The following FHIT variants were observed in gnomAD, a reference collection of about 807,000 sequenced individuals.
FHIT encodes the protein bis(5'-adenosyl)-triphosphatase.
FHIT carries 19 observed loss-of-function variants against 17.9 expected under a neutral mutation model. The observed-to-expected ratio is 1.06, with a 90% CI of 0.74 to 1.56. FHIT has a LOEUF of 1.56. FHIT is among the 40% of genes most tolerant of loss of function. The pLI, the probability that FHIT is intolerant of heterozygous loss-of-function variation, is 0.00. For synonymous variants in FHIT, 81 were observed against 69.7 expected (o/e 1.16, Z -0.81); for missense variants, 248 against 189.2 (o/e 1.31, Z -1.82).
chr3:59,994,541 G>A (rs1699424976), intron 7 of FHIT, among the ~76,000 whole-genome samples: 1 of 152,096 alleles, frequency 6.6e-6, no homozygotes, highest in African/African-American at 2.4e-5. Flanking sequence ...CAACACTTCT[G>A]AAAGAACAAG....
At chr3:61,026,707 C>A (rs751188580) in intron 3 of FHIT, among the ~76,000 whole-genome samples, 46 of 151,942 alleles carry the variant, frequency 3.0e-4, no homozygotes, top group Non-Finnish European at 6.2e-4. Flanking sequence ...TTATGTGTGG[C>A]CCAAGACAAT....
At chr3:60,333,343 G>T (rs764587810) in intron 5 of FHIT, among the ~76,000 whole-genome samples, 16 of 152,302 alleles carry the variant, frequency 1.1e-4, no homozygotes, top group Admixed American at 2.0e-4. Context: ...ATTTCCCAAA[G>T]AAATCATAGA....
At chr3:60,572,124 A>G (rs1047262940) in intron 4 of FHIT, among the ~76,000 whole-genome samples, 2 of 152,114 alleles carry the variant, frequency 1.3e-5, no homozygotes, top group Non-Finnish European at 2.9e-5. Context: ...CCACAAGATT[A>G]CCCATCAAGA....
intron 4 of FHIT, among the ~76,000 whole-genome samples, chr3:60,793,649 T>C (rs538372279): frequency 6.6e-6 from 1 of 152,166 alleles, no homozygotes; most frequent in South Asian, 2.1e-4. Flanking sequence ...AAAAACTGCT[T>C]ACAGCGTGGC....
chr3:60,842,075 T>A (rs977651473), intron 3 of FHIT, among the ~76,000 whole-genome samples: 2 of 152,102 alleles, frequency 1.3e-5, no homozygotes, highest in Non-Finnish European at 2.9e-5. Flanking sequence ...TCATCAAGCA[T>A]GTTAGGACAT....
chr3:59,904,190 C>T (rs535744795), intron 8 of FHIT, among the ~76,000 whole-genome samples: 1 of 139,462 alleles, frequency 7.2e-6, no homozygotes, highest in Non-Finnish European at 1.5e-5. Context: ...TCATCAACAC[C>T]TAACAAAAGG....
intron 5 of FHIT, among the ~76,000 whole-genome samples, chr3:60,520,024 T>C (rs9870292): frequency 0.44 from 66,944 of 151,954 alleles, 15,062 homozygotes; most frequent in African/African-American, 0.53. Flanking sequence ...GTATGTACTA[T>C]AGTTAATTTT....
At chr3:60,608,961 A>C (rs992528894) in intron 4 of FHIT, among the ~76,000 whole-genome samples, 4 of 152,036 alleles carry the variant, frequency 2.6e-5, no homozygotes, top group African/African-American at 9.7e-5. Flanking sequence ...ATGTTTTAAA[A>C]GTCAGTTGAT....
chr3:60,389,327 T>A (rs1701135061), intron 5 of FHIT, among the ~76,000 whole-genome samples: 1 of 152,136 alleles, frequency 6.6e-6, no homozygotes. Context: ...TTATGGCAAG[T>A]TTTAGGTAAC....
At chr3:59,783,487 A>C (rs773528328) in intron 8 of FHIT, among the ~76,000 whole-genome samples, 9 of 152,264 alleles carry the variant, frequency 5.9e-5, no homozygotes, top group Non-Finnish European at 1.0e-4. Flanking sequence ...AAAACGAAAC[A>C]AAACAAGCAA....
intron 5 of FHIT, among the ~76,000 whole-genome samples, chr3:60,109,123 G>T (rs1330381598): frequency 6.7e-6 from 1 of 149,212 alleles, no homozygotes; most frequent in Admixed American, 6.7e-5. Flanking sequence ...GTAAAAGAGG[G>T]GGACGGGGGT....
At chr3:61,065,260 T>A (rs2034561692) in intron 2 of FHIT, among the ~76,000 whole-genome samples, 1 of 123,912 alleles carries the variant, frequency 8.1e-6, no homozygotes, top group African/African-American at 3.3e-5. Flanking sequence ...ATCTCACGAG[T>A]CATTTTCAAC....
At chr3:59,987,067 T>C (rs1025667987) in intron 7 of FHIT, among the ~76,000 whole-genome samples, 2 of 51,440 alleles carry the variant, frequency 3.9e-5, no homozygotes. Flanking sequence ...AATATATCTA[T>C]ATATATCTAT....
intron 5 of FHIT, among the ~76,000 whole-genome samples, chr3:60,414,496 A>G (rs1048501484): frequency 2.0e-5 from 3 of 152,208 alleles, no homozygotes; most frequent in African/African-American, 7.2e-5. Flanking sequence ...AACTATGACC[A>G]CTACTGTTAT....
At chr3:60,688,141 T>C (rs188720356) in intron 4 of FHIT, among the ~76,000 whole-genome samples, 96 of 152,324 alleles carry the variant, frequency 6.3e-4, no homozygotes, top group African/African-American at 2.0e-3. Context: ...ACTAGTTTAA[T>C]AAACATTTCA....
intron 4 of FHIT, among the ~76,000 whole-genome samples, chr3:60,622,567 T>C (rs1358722345): frequency 6.6e-6 from 1 of 152,166 alleles, no homozygotes; most frequent in Non-Finnish European, 1.5e-5. Context: ...GAGTGGGTTG[T>C]GAAATAAGCT....
intron 4 of FHIT, among the ~76,000 whole-genome samples, chr3:60,700,409 T>C (rs1205300332): frequency 5.9e-5 from 9 of 152,192 alleles, no homozygotes; most frequent in African/African-American, 1.9e-4. Context: ...ATCATGGACA[T>C]GCTGGACATC....
At chr3:60,433,412 T>C (rs2029913155) in intron 5 of FHIT, among the ~76,000 whole-genome samples, 1 of 152,140 alleles carries the variant, frequency 6.6e-6, no homozygotes, top group African/African-American at 2.4e-5. Context: ...AGATACTGAT[T>C]TTAATTCTTT....
chr3:61,230,964 G>A (rs2040085023), intron 1 of FHIT, among the ~76,000 whole-genome samples: 1 of 152,158 alleles, frequency 6.6e-6, no homozygotes, highest in South Asian at 2.1e-4. Flanking sequence ...TCAAGAATAA[G>A]AAGTCATCCT....
Sources: gnomAD v4.1 joint callset for allele counts (sites outside exome capture counted in the v4.1 genomes callset) on GRCh38, gnomAD v4.1.1 for gene constraint, MANE v1.5 for transcripts, NCBI Gene and HGNC (gene_info 2026-07-23, HGNC 2026-07-21) for gene names.